PRPF40B: variants seen among roughly 807,000 people sequenced by gnomAD.
PRPF40B encodes the protein pre-mRNA processing factor 40B.
In PRPF40B, 56 loss-of-function variants were observed where a neutral mutation model predicts 124.5. That is an observed-to-expected ratio of 0.45 (90% CI 0.36 to 0.56). PRPF40B has a LOEUF of 0.56. Among genes scored for constraint, PRPF40B ranks in the 20% least tolerant of loss-of-function variants. The probability of loss-of-function intolerance (pLI) is 0.00; values close to 1 mark genes in which losing one functional copy is unlikely to be tolerated. For synonymous variants in PRPF40B, 443 were observed against 426.4 expected, an observed-to-expected ratio of 1.04 and a Z score of -0.48; for missense variants, 1,053 against 1,169.5, an observed-to-expected ratio of 0.90 and a Z score of 1.45.
Position 49,643,357 on chromosome 12 carries a change from T to A in PRPF40B, c.2340T>A (p.Leu780=). Residue 780 remains leucine, a synonymous_variant, in exon 23 of 26, where the codon CTT becomes CTA. Coordinates refer to ENST00000548825, the MANE Select transcript of PRPF40B (RefSeq NM_001031698.3). ...LDSVESGGAA[L]GGRGSPSSHL... ...CAGTTGAAAGTGGGGGTGCTGCCCT[T>A]GGAGGACGGGGCTCCCCTTCCTCCC... is the stretch of plus-strand genomic sequence containing the variant. 6.3e-7 allele frequency: 1 copy of A among 1,593,760 alleles called. No individual in the cohort carries two copies. Among genetic ancestry groups the A allele is most frequent in the Middle Eastern group, 1.7e-4 (1 of 5,956 alleles).
chr12:49,632,996 G>GGGGGGGGGCCCCCCCC lies in PRPF40B; in HGVS notation c.349-18_349-17insGGGGGGGGCCCCCCCC. On this transcript the variant is annotated splice_polypyrimidine_tract_variant and intron_variant, in intron 6 of 25. Coordinates refer to ENST00000548825, the MANE Select transcript of PRPF40B (RefSeq NM_001031698.3). ...AAAGGGGCCTTGACCACCATTCTGT[G>GGGGGGGGGCCCCCCCC]CCCCCCCCCCCACCCAGAGGGCCCT... is the stretch of plus-strand genomic sequence containing the variant. 5.2e-6 allele frequency: 6 copies of GGGGGGGGGCCCCCCCC among 1,147,380 alleles called. No homozygotes were observed. Among genetic ancestry groups the GGGGGGGGGCCCCCCCC allele is most frequent in the Non-Finnish European group, 7.3e-6 (6 of 822,994 alleles). 71.1% of individuals were successfully genotyped at this position (1,147,380 alleles called of 1,614,324 possible).
intron 23 of PRPF40B, 103 bp from the exon 24 acceptor site, chr12:49,643,588 G>A (rs933555184): frequency 3.6e-6 from 5 of 1,404,810 alleles, no homozygotes. Context: ...CTTCCTCAGA[G>A]CATGAGGTTC....
chr12:49,633,701 C>A, intron 9 of PRPF40B, 40 bp downstream of exon 9: 1 of 1,613,872 alleles, frequency 6.2e-7, no homozygotes, highest in East Asian at 2.2e-5. Flanking sequence ...AGTTGGGGCA[C>A]CTGGAGTGTG....
At chr12:49,637,944 C>T in intron 18 of PRPF40B, 120 bp downstream of exon 18, 1 of 763,400 alleles carries the variant, frequency 1.3e-6, no homozygotes, top group South Asian at 1.7e-5. Flanking sequence ...CAGATATCTA[C>T]TGTGATCCTT....
In PRPF40B at chr12:49,634,389, G is replaced by T. The variant is rs767582075; in HGVS notation, c.870G>T (p.Arg290Ser). 6.2e-7 allele frequency: 1 copy of T among 1,614,240 alleles called. No homozygotes were observed. The change falls in exon 11 of 26, where the codon AGG becomes AGT. Residue 290 changes from arginine (R) to serine (S), a missense_variant. Coordinates refer to ENST00000548825, the MANE Select transcript of PRPF40B (RefSeq NM_001031698.3). ...EEEESKPEPE[R>S]SGLSWSNREK... The stretch of plus-strand genomic sequence containing the variant: ...AGGAATCAAAGCCAGAACCAGAGAG[G>T]TCTGGCCTCAGTTGGAGCAACCGGG...
intron 23 of PRPF40B, 26 bp from the exon 24 acceptor site, chr12:49,643,665 C>A (rs1400624125): frequency 6.2e-7 from 1 of 1,609,208 alleles, no homozygotes; most frequent in Admixed American, 1.7e-5. Flanking sequence ...CCTGTTGGGA[C>A]TTAGTAGGGA....
Position 49,633,642 on chromosome 12 carries a change from G to T in PRPF40B, c.586G>T (p.Val196Phe). The T allele has an allele frequency of 6.2e-7, 1 of 1,614,216 alleles. No homozygotes were observed. The highest frequency in any genetic ancestry group is 1.1e-5 in the South Asian group (1 of 91,084). Residue 196 changes from valine to phenylalanine, a missense_variant, in exon 9 of 26, where the codon GTC becomes TTC. Val to Phe is a conservative substitution (Grantham distance 50). Transcript: ENST00000548825. ...PKDLDDLEVLVKQEAAGKQQQ... is the reference protein window; with the variant it reads ...PKDLDDLEVLFKQEAAGKQQQ... ...GTTATCTTTTCCCATCACAGTTCTA[G>T]TCAAACAAGAGGCTGCAGGGTGAGT...
Position 49,637,517 on chromosome 12 carries a change from C to T in PRPF40B, c.1608C>T (p.Ser536=), listed in dbSNP as rs532679758. 6 of 1,613,896 alleles carry T rather than the reference C, an allele frequency of 3.7e-6. No homozygotes were observed. The East Asian group carries it at 1.3e-4, about 36-fold the overall frequency. Reference sequence around the variant, plus strand: ...AGACAGGGCAGCTGCACTCTATGTCCACCTGGATGGAGCTATATCCAGCAG... The same window carrying T: ...AGACAGGGCAGCTGCACTCTATGTCTACCTGGATGGAGCTATATCCAGCAG... ...LHETGQLHSM[S]TWMELYPAVS... The change falls in exon 17 of 26, where the codon TCC becomes TCT. Residue 536 remains serine (S), a synonymous_variant. Transcript: ENST00000548825.
Position 49,642,989 on chromosome 12 carries a change from C to A in PRPF40B, c.2178C>A (p.His726Gln). 6.2e-7 allele frequency: 1 copy of A among 1,613,812 alleles called. No homozygotes were observed. The highest frequency in any genetic ancestry group is 8.5e-7 in the Non-Finnish European group (1 of 1,179,868). ...GRKHGRKGKK[H>Q]HHKRSHSPSG... is the part of the protein sequence containing the mutation. ...AGCATGGCAGGAAAGGCAAGAAGCA[C>A]CATCACAAGCGTTCCCACTCACCCT... The change falls in exon 22 of 26, where the codon CAC (histidine) becomes CAA (glutamine). Residue 726 changes from histidine to glutamine, a missense_variant. By Grantham distance (24) the His-to-Gln change is conservative. Transcript: ENST00000548825. The surrounding 1 kb of genome is among the most constrained non-coding windows in gnomAD (Gnocchi z 5.8).
chr12:49,623,782 C>CG (rs1940428470), intron 1 of PRPF40B, 189 bp downstream of exon 1: 2 of 119,804 alleles, frequency 1.7e-5, no homozygotes, highest in Non-Finnish European at 2.0e-5. Context: ...GGCGAAGGGG[C>CG]GGGGGAGGCC....
At chr12:49,634,484 T>G (rs1481684239) in intron 11 of PRPF40B, 29 bp downstream of exon 11, 1 of 1,614,068 alleles carries the variant, frequency 6.2e-7, no homozygotes, top group Admixed American at 1.7e-5. Flanking sequence ...CAGGGAAGGT[T>G]TGGAGGGGGC....
chr12:49,635,967 G>C lies in PRPF40B; in HGVS notation c.1400G>C (p.Ser467Thr), dbSNP rs751957221. 3 of 1,614,132 alleles carry C rather than the reference G, an allele frequency of 1.9e-6. No individual in the cohort carries two copies. The highest frequency in any genetic ancestry group is 1.7e-4 in the Middle Eastern group (1 of 6,060). The change falls in exon 15 of 26, where the codon AGC becomes ACC. Residue 467 changes from serine to threonine, a missense_variant. Ser to Thr is a moderately conservative substitution (Grantham distance 58). Coordinates refer to ENST00000548825, the MANE Select transcript of PRPF40B (RefSeq NM_001031698.3). The surrounding 1 kb of genome is among the most constrained non-coding windows in gnomAD (Gnocchi z 4.1). ...QAQQYLMDNP[S>T]FAQDHQLQNM... ...CAGCAGTACCTCATGGATAACCCCA[G>C]CTTTGCTCAGGACCATCAGCTGCAG...
At chr12:49,632,818 G>A (rs1438585113) in intron 5 of PRPF40B, 37 bp from the exon 6 acceptor site, 4 of 1,614,024 alleles carry the variant, frequency 2.5e-6, no homozygotes, top group South Asian at 2.2e-5. Context: ...GGAGGTCGGA[G>A]CAAGGACTTA....
chr12:49,633,327 A>C, intron 7 of PRPF40B, 100 bp from the exon 8 acceptor site: 1 of 1,513,844 alleles, frequency 6.6e-7, no homozygotes, highest in Non-Finnish European at 9.0e-7. Flanking sequence ...GTGGTAGCTA[A>C]AGGTTCCTGT....
intron 1 of PRPF40B, among the ~76,000 whole-genome samples, chr12:49,628,000 C>T (rs1029508455): frequency 5.3e-5 from 8 of 152,126 alleles, no homozygotes; most frequent in Non-Finnish European, 8.8e-5. Context: ...TTCTGAGGCT[C>T]CCCTGGAGCC....
intron 18 of PRPF40B, chr12:49,639,130 C>G: frequency 6.6e-6 from 1 of 152,152 alleles, no homozygotes; most frequent in East Asian, 1.9e-4. Flanking sequence ...TTGGATTTTT[C>G]TCTCGTAAGT....
chr12:49,625,977 C>T (rs1940674815), intron 1 of PRPF40B, among the ~76,000 whole-genome samples: 1 of 152,162 alleles, frequency 6.6e-6, no homozygotes, highest in Non-Finnish European at 1.5e-5. Context: ...GGGGAACTGT[C>T]CAGAATAGGC....
Position 49,631,283 on chromosome 12 carries a change from C to T in PRPF40B, c.85-118C>T. On this transcript the variant is annotated intron_variant, in intron 2 of 25. Transcript: ENST00000548825. This position sits in a 1 kb window ranked among gnomAD's most constrained non-coding sequence, Gnocchi z 4.3. The stretch of plus-strand genomic sequence containing the variant: ...TCTCAAACTAAAGCCTTGGAATTGC[C>T]TCAGAGCAGGGTGGAGGGTTGGGGA... 1 of 694,210 alleles carries T rather than the reference C, an allele frequency of 1.4e-6. No individual in the cohort carries two copies. The allele number at this position is 694,210 out of a possible 1,614,324, so 43.0% of individuals were successfully genotyped here. A position where few individuals can be genotyped will look rare whatever the true frequency, so the allele number is the denominator to read the frequency against.
chr12:49,636,889 C>T, intron 16 of PRPF40B, 40 bp downstream of exon 16: 1 of 1,611,482 alleles, frequency 6.2e-7, no homozygotes, highest in Non-Finnish European at 8.5e-7. Flanking sequence ...CTCAGCTCTG[C>T]CCTAGAGCAC....
Sources: gnomAD v4.1 joint callset for allele counts (sites outside exome capture counted in the v4.1 genomes callset) on GRCh38, gnomAD v4.1.1 for gene constraint, Gnocchi (gnomAD v3.1) non-coding constraint, MANE v1.5 for transcripts, NCBI Gene and HGNC (gene_info 2026-07-23, HGNC 2026-07-21) for gene names.